The following ADAM9 variants were observed in gnomAD, a reference collection of about 807,000 sequenced individuals.
The protein encoded by ADAM9 is ADAM metallopeptidase domain 9, also known as disintegrin and metalloproteinase domain-containing protein 9.
A neutral mutation model predicts 108.1 loss-of-function variants in ADAM9; 54 were observed. The observed-to-expected ratio is 0.50, with a 90% CI of 0.40 to 0.63. ADAM9 has a LOEUF of 0.63. Ranked by LOEUF, ADAM9 falls within the 20% of genes least tolerant of loss-of-function variation. The probability of loss-of-function intolerance (pLI) is 0.00; values close to 1 mark genes in which losing one functional copy is unlikely to be tolerated. For synonymous variants in ADAM9, 316 were observed against 336.0 expected (o/e 0.94, Z 0.65); for missense variants, 830 against 997.7 (o/e 0.83, Z 2.26).
chr8:39,010,170 C>T (rs572888359), intron 2 of ADAM9, among the ~76,000 whole-genome samples: 1 of 151,934 alleles, frequency 6.6e-6, no homozygotes, highest in Non-Finnish European at 1.5e-5. Context: ...ACAATCCAGG[C>T]AGATACTTGG....
At chr8:39,057,667 A>G (rs1200992092) in intron 14 of ADAM9, among the ~76,000 whole-genome samples, 2 of 152,076 alleles carry the variant, frequency 1.3e-5, no homozygotes, top group African/African-American at 2.4e-5. Context: ...GTCTCATTCC[A>G]AAGGCCTTCA....
At chr8:39,019,804 C>T (rs1039526589) in intron 7 of ADAM9, among the ~76,000 whole-genome samples, 1 of 152,060 alleles carries the variant, frequency 6.6e-6, no homozygotes, top group Non-Finnish European at 1.5e-5. Context: ...TAACAAGCCA[C>T]CCCAAATAAC....
intron 20 of ADAM9, among the ~76,000 whole-genome samples, chr8:39,096,291 TGTA>T (rs1169223611): frequency 4.7e-5 from 6 of 127,446 alleles, no homozygotes; most frequent in East Asian, 2.9e-4. Context: ...TTTGTTTTTT[TGTA>T]GTAATATTTT....
At chr8:39,079,538 A>G (rs928926275) in intron 16 of ADAM9, among the ~76,000 whole-genome samples, 2 of 152,094 alleles carry the variant, frequency 1.3e-5, no homozygotes, top group Admixed American at 6.5e-5. Context: ...TCAGTCAGTT[A>G]TATCTATGTA....
At chr8:39,103,160 TATA>T (rs1356993215) in intron 21 of ADAM9, among the ~76,000 whole-genome samples, 2 of 152,106 alleles carry the variant, frequency 1.3e-5, no homozygotes, top group Non-Finnish European at 2.9e-5. Context: ...GATGGACAGG[TATA>T]GAAGTCATAA....
intron 1 of ADAM9, among the ~76,000 whole-genome samples, chr8:39,004,164 A>C (rs995403232): frequency 2.0e-5 from 3 of 151,790 alleles, no homozygotes; most frequent in Non-Finnish European, 2.9e-5. Flanking sequence ...GTTTGGTTCT[A>C]TATTGTTTAG....
Position 39,091,352 on chromosome 8 carries a change from T to C in ADAM9, c.2298+6T>C. On this transcript the variant is annotated splice_donor_region_variant and intron_variant, in intron 20 of 21. Coordinates refer to ENST00000487273, the MANE Select transcript of ADAM9 (RefSeq NM_003816.3). ...TGACACCTCCCAGAGAAGTTGTAAG[T>C]ATAAAATGAAAAATTATTTTTCTTT... 1 of 1,611,242 alleles carries C rather than the reference T, an allele frequency of 6.2e-7. No homozygotes were observed. Among genetic ancestry groups the C allele is most frequent in the Non-Finnish European group, 8.5e-7 (1 of 1,177,466 alleles).
At chr8:39,070,020 G>A (rs1838627740) in intron 14 of ADAM9, among the ~76,000 whole-genome samples, 1 of 149,768 alleles carries the variant, frequency 6.7e-6, no homozygotes, top group African/African-American at 2.5e-5. Context: ...AAGTGTGGTG[G>A]TGCATGCCTG....
intron 9 of ADAM9, among the ~76,000 whole-genome samples, chr8:39,024,485 C>T (rs1213492845): frequency 1.3e-5 from 2 of 152,114 alleles, no homozygotes; most frequent in African/African-American, 4.8e-5. Flanking sequence ...AGAATGGGGT[C>T]CCGAAAACCT....
chr8:39,008,449 C>A (rs531093300), intron 2 of ADAM9, among the ~76,000 whole-genome samples: 162 of 152,308 alleles, frequency 1.1e-3, no homozygotes, highest in Non-Finnish European at 1.6e-3. Flanking sequence ...GCTGGGATTA[C>A]AGGTGTGAGC....
chr8:39,045,332 G>A (rs1410943854), intron 12 of ADAM9, among the ~76,000 whole-genome samples: 1 of 114,126 alleles, frequency 8.8e-6, no homozygotes, highest in African/African-American at 3.5e-5. Context: ...ACATGTGTGT[G>A]TACACCTATA....
At chr8:39,076,814 A>G (rs10092021) in intron 15 of ADAM9, among the ~76,000 whole-genome samples, 62,337 of 152,080 alleles carry the variant, frequency 0.41, 13,534 homozygotes, top group East Asian at 0.71. Flanking sequence ...GTTATTTTGC[A>G]TTATAGAATC....
chr8:39,053,076 TA>T (rs1321178030), intron 12 of ADAM9, among the ~76,000 whole-genome samples: 1 of 152,176 alleles, frequency 6.6e-6, no homozygotes, highest in Non-Finnish European at 1.5e-5. Flanking sequence ...TGCATTTCCT[TA>T]GTAACTAATG....
At chr8:39,045,187 CATACATAT>C (rs1837644872) in intron 12 of ADAM9, among the ~76,000 whole-genome samples, 1 of 100,848 alleles carries the variant, frequency 9.9e-6, no homozygotes, top group Non-Finnish European at 2.4e-5. Flanking sequence ...TATGTGTATA[CATACATAT>C]ATGTGTATAT....
chr8:39,041,424 G>T (rs1205221473), intron 11 of ADAM9, among the ~76,000 whole-genome samples: 1 of 152,176 alleles, frequency 6.6e-6, no homozygotes, highest in African/African-American at 2.4e-5. Flanking sequence ...ATTCTACACT[G>T]TGCAGTCTGC....
Position 39,103,622 on chromosome 8 carries a change from A to G in ADAM9, c.2382A>G (p.Gln794=), listed in dbSNP as rs769730262. 4.3e-6 allele frequency: 7 copies of G among 1,613,850 alleles called. No homozygotes were observed. Among genetic ancestry groups the G allele is most frequent in the Non-Finnish European group, 5.1e-6 (6 of 1,179,956 alleles). The change falls in exon 22 of 22, where the codon CAA becomes CAG. Residue 794 remains glutamine (Q), a synonymous_variant. Transcript: ENST00000487273. ...CCCCTCGCAGGCCACCTCCACCACAACCGAAAGTATCATCTCAGGGAAACT... is the reference window on the plus strand; with the variant it reads ...CCCCTCGCAGGCCACCTCCACCACAGCCGAAAGTATCATCTCAGGGAAACT... ...QQFPSRPPPP[Q]PKVSSQGNLI...
chr8:39,045,116 A>ATGTATGTGTATG (rs373861325), intron 12 of ADAM9, among the ~76,000 whole-genome samples: 4 of 26,674 alleles, frequency 1.5e-4, no homozygotes, highest in African/African-American at 5.0e-4. Context: ...ATACATACAT[A>ATGTATGTGTATG]TGTGTGTGTG....
At chr8:38,998,220 G>C (rs536507352) in intron 1 of ADAM9, among the ~76,000 whole-genome samples, 1 of 152,268 alleles carries the variant, frequency 6.6e-6, no homozygotes, top group East Asian at 1.9e-4. Flanking sequence ...TGCTTTATTT[G>C]AAATTAAGTA....
chr8:39,075,188 T>C (rs1457220977), intron 15 of ADAM9, among the ~76,000 whole-genome samples: 1 of 152,188 alleles, frequency 6.6e-6, no homozygotes, highest in East Asian at 1.9e-4. Context: ...ATTACAGGCG[T>C]GAGCCACCGC....
Sources: gnomAD v4.1 joint callset for allele counts (sites outside exome capture counted in the v4.1 genomes callset) on GRCh38, gnomAD v4.1.1 for gene constraint, MANE v1.5 for transcripts, NCBI Gene and HGNC (gene_info 2026-07-23, HGNC 2026-07-21) for gene names.